PALS2: variants seen among roughly 807,000 people sequenced by gnomAD.
PALS2 encodes protein PALS2.
A neutral mutation model predicts 61.6 loss-of-function variants in PALS2; 27 were observed. That is an observed-to-expected ratio of 0.44 (90% CI 0.32 to 0.60). The LOEUF is 0.60. Ranked by LOEUF, PALS2 falls within the 20% of genes least tolerant of loss-of-function variation. PALS2 has a pLI of 0.05. For missense variants in PALS2, 554 were observed against 639.4 expected (o/e 0.87, Z 1.44); for synonymous variants, 236 against 218.6 (o/e 1.08, Z -0.70).
At chr7:24,682,939 A>C (rs1385231375) in intron 11 of PALS2, among the ~76,000 whole-genome samples, 1 of 152,140 alleles carries the variant, frequency 6.6e-6, no homozygotes, top group Non-Finnish European at 1.5e-5. Flanking sequence ...ACACAGATTC[A>C]GGTTATTCAG....
At chr7:24,589,039 T>G (rs1267465631) in intron 1 of PALS2, 2 of 152,186 alleles carry the variant, frequency 1.3e-5, no homozygotes, top group Non-Finnish European at 2.9e-5. Flanking sequence ...TTCTTTACTG[T>G]AGTGGTCAGG....
chr7:24,601,413 G>A (rs1282334893), intron 1 of PALS2, among the ~76,000 whole-genome samples: 1 of 151,932 alleles, frequency 6.6e-6, no homozygotes, highest in Non-Finnish European at 1.5e-5. Flanking sequence ...CATTCATTCT[G>A]ATTTGTCAAC....
chr7:24,587,531 A>ATTTTTTTTTTTTTTTTTTTTTT (rs11310808), intron 1 of PALS2, among the ~76,000 whole-genome samples: 1 of 140,956 alleles, frequency 7.1e-6, no homozygotes, highest in Non-Finnish European at 1.5e-5. Flanking sequence ...TGCCCAGCTA[A>ATTTTTTTTTTTTTTTTTTTTTT]TTTTTTTTTT....
At position 24,588,666 on chromosome 7, in the gene PALS2, A is replaced by G. The variant is rs114878260; in HGVS notation, c.-3+15073A>G. On this transcript the variant is annotated intron_variant, in intron 1 of 11. Coordinates refer to ENST00000222644, the MANE Select transcript of PALS2 (RefSeq NM_001303037.2). ...TTTTAGAATGATTTTATTCTTGCTT[A>G]CAGATAAAGATTGCCATACGTATAA... Among the ~76,000 whole-genome samples, 794 of 152,334 alleles carry G rather than the reference A, an allele frequency of 5.2e-3. 7 individuals are homozygous for G. The highest frequency in any genetic ancestry group is 0.017 in the African/African-American group (726 of 41,584).
At chr7:24,667,657 A>ATTTTT (rs11284911) in intron 8 of PALS2, among the ~76,000 whole-genome samples, 12 of 98,646 alleles carry the variant, frequency 1.2e-4, no homozygotes, top group Non-Finnish European at 1.9e-4. Context: ...GATTAGATAA[A>ATTTTT]TTTTTTTTTT....
At chr7:24,637,579 A>G (rs1410436268) in intron 2 of PALS2, among the ~76,000 whole-genome samples, 1 of 152,162 alleles carries the variant, frequency 6.6e-6, no homozygotes, top group East Asian at 1.9e-4. Flanking sequence ...TCTTTTCTCA[A>G]AAGATAGAAA....
In PALS2 at chr7:24,618,680, T is replaced by A. The variant is rs79028233; in HGVS notation, c.-2-4986T>A. 0.063 allele frequency among the ~76,000 whole-genome samples: 9,597 copies of A among 152,250 alleles called. 353 individuals are homozygous for A. The highest frequency in any genetic ancestry group is 0.093 in the African/African-American group (3,857 of 41,538). On this transcript the variant is annotated intron_variant, in intron 1 of 11. Coordinates refer to ENST00000222644, the MANE Select transcript of PALS2 (RefSeq NM_001303037.2). The surrounding 1 kb of genome is among the most constrained non-coding windows in gnomAD (Gnocchi z 5.1). ...GGTTCCTCTGATTACCTTCCTCCCC[T>A]ACCAAGCCTCCGCTCCCACAAGGAG...
intron 9 of PALS2, among the ~76,000 whole-genome samples, chr7:24,670,741 T>C (rs1333620042): frequency 6.6e-6 from 1 of 152,224 alleles, no homozygotes; most frequent in Non-Finnish European, 1.5e-5. Context: ...CATGAATCTT[T>C]CTGTCAAAAT....
chr7:24,598,989 C>T (rs965848751), intron 1 of PALS2, among the ~76,000 whole-genome samples: 2 of 151,942 alleles, frequency 1.3e-5, no homozygotes, highest in Admixed American at 6.6e-5. Flanking sequence ...GATACATAAT[C>T]AAAAGTAAAA....
chr7:24,641,064 G>T (rs1388789790), intron 2 of PALS2, among the ~76,000 whole-genome samples: 1 of 149,932 alleles, frequency 6.7e-6, no homozygotes, highest in Non-Finnish European at 1.5e-5. Context: ...TGTGGTTGAC[G>T]GTCTATTTTC....
intron 1 of PALS2, chr7:24,589,534 T>A (rs1258393395): frequency 2.0e-5 from 3 of 152,192 alleles, no homozygotes; most frequent in Admixed American, 2.0e-4. Context: ...AAGAAATATT[T>A]AAGTGTGTGA....
rs755402319 is a variant in PALS2, at chr7:24,688,172, C to T, written c.*558C>T. ...TGACATCAAAAGTCTGATCAGTTTA[C>T]GTATTTTCATTATTTCGGAGATGTA... On this transcript the variant is annotated 3_prime_UTR_variant, in exon 12 of 12. Coordinates refer to ENST00000222644, the MANE Select transcript of PALS2 (RefSeq NM_001303037.2). The T allele has an allele frequency of 2.0e-5, 3 of 152,168 alleles. No individual in the cohort carries two copies. Among genetic ancestry groups the T allele is most frequent in the Non-Finnish European group, 4.4e-5 (3 of 68,028 alleles). The allele number at this position is 152,168 out of a possible 1,614,324, so 9.4% of individuals were successfully genotyped here.
At chr7:24,586,951 G>A (rs920758134) in intron 1 of PALS2, among the ~76,000 whole-genome samples, 4 of 152,100 alleles carry the variant, frequency 2.6e-5, no homozygotes, top group African/African-American at 9.7e-5. Flanking sequence ...TGGATTTTCA[G>A]AGTTTGGAAA....
intron 1 of PALS2, among the ~76,000 whole-genome samples, chr7:24,590,782 C>G (rs62449807): frequency 0.076 from 11,508 of 151,658 alleles, 640 homozygotes; most frequent in Middle Eastern, 0.13. Flanking sequence ...GTCATAACTT[C>G]AGTACCTACT....
intron 1 of PALS2, among the ~76,000 whole-genome samples, chr7:24,615,229 C>A (rs1784250729): frequency 6.6e-6 from 1 of 151,506 alleles, no homozygotes; most frequent in Non-Finnish European, 1.5e-5. Context: ...TCTGAAGGAA[C>A]TAGAAAAACA....
At chr7:24,639,417 C>CACACACAA (rs1785401857) in intron 2 of PALS2, among the ~76,000 whole-genome samples, 1 of 151,922 alleles carries the variant, frequency 6.6e-6, no homozygotes, top group African/African-American at 2.4e-5. Context: ...CACACACACA[C>CACACACAA]ACACACACAC....
intron 5 of PALS2, among the ~76,000 whole-genome samples, chr7:24,654,361 A>G (rs1786309579): frequency 6.6e-6 from 1 of 152,126 alleles, no homozygotes; most frequent in African/African-American, 2.4e-5. Flanking sequence ...TACAAATATG[A>G]TCATGTTTTT....
chr7:24,626,792 T>C (rs928295703), intron 2 of PALS2, among the ~76,000 whole-genome samples: 1 of 151,968 alleles, frequency 6.6e-6, no homozygotes, highest in Admixed American at 6.6e-5. Context: ...TACATAATGG[T>C]AAAGGGATCA....
intron 1 of PALS2, among the ~76,000 whole-genome samples, chr7:24,617,870 G>C (rs2128054582): frequency 6.6e-6 from 1 of 152,338 alleles, no homozygotes. Flanking sequence ...CACAATGCCT[G>C]GGTTGGGGCC....
Sources: gnomAD v4.1 joint callset for allele counts (sites outside exome capture counted in the v4.1 genomes callset) on GRCh38, gnomAD v4.1.1 for gene constraint, Gnocchi (gnomAD v3.1) non-coding constraint, MANE v1.5 for transcripts, NCBI Gene and HGNC (gene_info 2026-07-23, HGNC 2026-07-21) for gene names.